Variants in ONECUT1 observed in about 807,000 individuals in gnomAD.
ONECUT1 encodes the protein one cut homeobox 1.
ONECUT1 carries 12 observed loss-of-function variants against 25.6 expected under a neutral mutation model. That is an observed-to-expected ratio of 0.47 (90% confidence interval 0.30 to 0.76). The LOEUF is 0.76. Ranked by LOEUF, ONECUT1 falls within the 30% of genes least tolerant of loss-of-function variation. The pLI is 0.07. For synonymous variants in ONECUT1, 285 were observed against 270.2 expected (o/e 1.05, Z -0.54); for missense variants, 620 against 651.2 (o/e 0.95, Z 0.52).
At chr15:52,783,016 C>T (rs2083851082) in intron 1 of ONECUT1, among the ~76,000 whole-genome samples, 2 of 152,180 alleles carry the variant, frequency 1.3e-5, no homozygotes, top group South Asian at 4.1e-4. Context: ...AGAACGATTT[C>T]TTCTGATAAC....
chr15:52,761,054 T>TG (rs1315551540), intron 1 of ONECUT1, among the ~76,000 whole-genome samples: 2 of 1,556 alleles, frequency 1.3e-3, no homozygotes, highest in African/African-American at 2.9e-3. Flanking sequence ...TGGGGGTGGG[T>TG]GGGGGGCTGT....
chr15:52,786,802 G>A (rs1369405687), intron 1 of ONECUT1, among the ~76,000 whole-genome samples: 2 of 151,632 alleles, frequency 1.3e-5, no homozygotes, highest in Admixed American at 6.6e-5. Flanking sequence ...AGTGGGGGGA[G>A]GAGGGATATT....
intron 1 of ONECUT1, among the ~76,000 whole-genome samples, chr15:52,765,577 G>GT (rs5812629): frequency 0.5 from 76,046 of 151,996 alleles, 19,621 homozygotes; most frequent in East Asian, 0.89. Context: ...GTAAAACGCA[G>GT]TGGGGGTAGG....
intron 1 of ONECUT1, among the ~76,000 whole-genome samples, chr15:52,762,104 G>A (rs2083709420): frequency 6.6e-6 from 1 of 152,178 alleles, no homozygotes. Context: ...ATTGGGTACA[G>A]ACTTGACTTA....
chr15:52,776,686 G>C (rs2141457170), intron 1 of ONECUT1, among the ~76,000 whole-genome samples: 1 of 152,252 alleles, frequency 6.6e-6, no homozygotes, highest in East Asian at 1.9e-4. Flanking sequence ...TTTCTACCCA[G>C]ATCAGAGACT....
intron 1 of ONECUT1, among the ~76,000 whole-genome samples, chr15:52,775,989 C>T (rs16965165): frequency 0.012 from 1,815 of 152,310 alleles, 32 homozygotes; most frequent in African/African-American, 0.042. Flanking sequence ...TGGGCTAACC[C>T]CTTCCACTGG....
intron 1 of ONECUT1, among the ~76,000 whole-genome samples, chr15:52,769,372 T>G (rs1427391598): frequency 1.3e-5 from 2 of 152,230 alleles, no homozygotes; most frequent in Non-Finnish European, 2.9e-5. Context: ...GAGACACAAG[T>G]CTTTTAAGTT....
At chr15:52,777,630 G>C (rs2083809211) in intron 1 of ONECUT1, among the ~76,000 whole-genome samples, 1 of 149,116 alleles carries the variant, frequency 6.7e-6, no homozygotes, top group Non-Finnish European at 1.5e-5. Flanking sequence ...TCTGTCCCAA[G>C]TCCTACTCAT....
chr15:52,789,064 G>T lies in ONECUT1; in HGVS notation c.821C>A (p.Ser274Ter), dbSNP rs776179252. 1 of 1,602,688 alleles carries T rather than the reference G, an allele frequency of 6.2e-7. No homozygotes were observed. The highest frequency in any genetic ancestry group is 8.5e-7 in the Non-Finnish European group (1 of 1,179,966). The part of the protein sequence containing the change: ...LLGTAREPNP[S>*]VTGAQVSNGS... Reference sequence around the variant, plus strand: ...ATTGCTGACCTGCGCGCCGGTCACCGAAGGGTTGGGCTCCCGGGCTGTGCC... The same window carrying T: ...ATTGCTGACCTGCGCGCCGGTCACCTAAGGGTTGGGCTCCCGGGCTGTGCC... Residue 274 changes from serine to a stop codon, truncating the protein, a stop_gained, in exon 1 of 2, where the codon TCG (serine) becomes TAG (stop). Transcript: ENST00000305901. LOFTEE classifies it high-confidence loss of function. The surrounding 1 kb of genome is among the most constrained non-coding windows in gnomAD (Gnocchi z 4.1).
rs1400601432 is a variant in ONECUT1, at chr15:52,756,188, T to G, written c.*1367A>C. 1.3e-5 allele frequency among the ~76,000 whole-genome samples: 2 copies of G among 152,240 alleles called. No homozygotes were observed. Among genetic ancestry groups the G allele is most frequent in the African/African-American group, 4.8e-5 (2 of 41,458 alleles). On this transcript the variant is annotated 3_prime_UTR_variant, in exon 2 of 2. Transcript: ENST00000305901. The stretch of plus-strand genomic sequence containing the variant: ...CATTTCTCAGTTGCACCTGCTGTTT[T>G]GTTGACGTCCAAGTCATAAAATTTC...
At chr15:52,785,881 A>C (rs889814495) in intron 1 of ONECUT1, 5 of 152,232 alleles carry the variant, frequency 3.3e-5, no homozygotes, top group Non-Finnish European at 5.9e-5. Flanking sequence ...CCCCAAACAC[A>C]GCGCCACGTG....
intron 1 of ONECUT1, among the ~76,000 whole-genome samples, chr15:52,781,935 T>C (rs1182846208): frequency 6.6e-6 from 1 of 152,238 alleles, no homozygotes; most frequent in African/African-American, 2.4e-5. Flanking sequence ...GCTTCTTCCT[T>C]ATCAGTTACT....
rs1456766817 is a variant in ONECUT1, at chr15:52,784,644, G to T, written c.1105+4136C>A. ...AGAGAACTACACAGGGGGAACTATG[G>T]TCCTACACCCTCGAGGGGACAGACA... On this transcript the variant is annotated intron_variant, in intron 1 of 1. Coordinates refer to ENST00000305901, the MANE Select transcript of ONECUT1 (RefSeq NM_004498.4). The surrounding 1 kb of genome is among the most constrained non-coding windows in gnomAD (Gnocchi z 5.0). 2.0e-5 allele frequency among the ~76,000 whole-genome samples: 3 copies of T among 152,204 alleles called. No individual in the cohort carries two copies. Among genetic ancestry groups the T allele is most frequent in the Admixed American group, 6.5e-5 (1 of 15,286 alleles).
chr15:52,774,288 G>GTTATTTATTTATTTATTTAT (rs369887471), intron 1 of ONECUT1, among the ~76,000 whole-genome samples: 6,240 of 150,070 alleles, frequency 0.042, 197 homozygotes, highest in East Asian at 0.12. Context: ...AAGAAATGAA[G>GTTATTTATTTATTTATTTAT]TTATTTATTT....
chr15:52,769,797 T>G (rs763589424), intron 1 of ONECUT1, among the ~76,000 whole-genome samples: 1 of 152,220 alleles, frequency 6.6e-6, no homozygotes, highest in African/African-American at 2.4e-5. Context: ...AGAGGTGTAC[T>G]GTCTGCATCC....
At chr15:52,786,192 G>C (rs1164183792) in intron 1 of ONECUT1, among the ~76,000 whole-genome samples, 1 of 152,222 alleles carries the variant, frequency 6.6e-6, no homozygotes, top group Non-Finnish European at 1.5e-5. Flanking sequence ...AGATCATTTG[G>C]AAAGTTCAGA....
chr15:52,770,290 C>T (rs557504005), intron 1 of ONECUT1, among the ~76,000 whole-genome samples: 3 of 152,316 alleles, frequency 2.0e-5, no homozygotes, highest in Admixed American at 6.5e-5. Flanking sequence ...TATTCAGTCT[C>T]GCAGAGGCCT....
chr15:52,786,675 TA>T, intron 1 of ONECUT1, among the ~76,000 whole-genome samples: 1 of 152,326 alleles, frequency 6.6e-6, no homozygotes, highest in African/African-American at 2.4e-5. Context: ...TGAGCTCGGC[TA>T]TGTAGCTCTC....
At chr15:52,777,556 G>T (rs2083808752) in intron 1 of ONECUT1, among the ~76,000 whole-genome samples, 1 of 152,070 alleles carries the variant, frequency 6.6e-6, no homozygotes, top group South Asian at 2.1e-4. Context: ...TTCTACAAAA[G>T]GAGTTTAGCC....
Sources: gnomAD v4.1 joint callset for allele counts (sites outside exome capture counted in the v4.1 genomes callset) on GRCh38, gnomAD v4.1.1 for gene constraint, Gnocchi (gnomAD v3.1) non-coding constraint, MANE v1.5 for transcripts, NCBI Gene and HGNC (gene_info 2026-07-23, HGNC 2026-07-21) for gene names.